GPR107: variants seen among roughly 807,000 people sequenced by gnomAD.
GPR107 encodes the protein G protein-coupled receptor 107, also known as protein GPR107.
GPR107 carries 31 observed loss-of-function variants against 75.5 expected under a neutral mutation model. The ratio of observed to expected loss-of-function variants is 0.41; its 90% confidence interval spans 0.31 to 0.55. The LOEUF (loss-of-function observed/expected upper bound fraction) is 0.55. GPR107 is among the 20% of genes least tolerant of loss of function. The pLI is 0.26. For synonymous variants in GPR107, 267 were observed against 251.3 expected, an observed-to-expected ratio of 1.06 and a Z score of -0.59; for missense variants, 572 against 665.7, an observed-to-expected ratio of 0.86 and a Z score of 1.55.
chr9:130,064,072 C>T (rs1830000823), intron 1 of GPR107, among the ~76,000 whole-genome samples: 1 of 150,888 alleles, frequency 6.6e-6, no homozygotes, highest in African/African-American at 2.4e-5. Flanking sequence ...CTTGGCCTCA[C>T]AAAGTGCTGG....
chr9:130,054,228 A>G (rs1829670444), intron 1 of GPR107, among the ~76,000 whole-genome samples, 155 bp downstream of exon 1: 1 of 152,134 alleles, frequency 6.6e-6, no homozygotes, highest in Non-Finnish European at 1.5e-5. Flanking sequence ...TCTGTGGGGA[A>G]GGCGGGTCTG....
chr9:130,124,919 T>C lies in GPR107; in HGVS notation c.1311T>C (p.Ala437=). The C allele has an allele frequency of 6.5e-7, 1 of 1,550,160 alleles. No individual in the cohort carries two copies. The highest frequency in any genetic ancestry group is 1.2e-5 in the South Asian group (1 of 84,094). ...QEASATDGKA[A]INLAKLKLFR... The stretch of plus-strand genomic sequence containing the variant: ...TTTGTTCTTTCTTCTCTCTAGCTGC[T>C]ATTAACTTAGCAAAGCTGAAACTTT... The change falls in exon 15 of 18, where the codon GCT becomes GCC. Residue 437 remains alanine (A), a synonymous_variant. Transcript: ENST00000347136.
rs1377033121 is a variant in GPR107 at position 130,135,595 on chromosome 9, G to A, written c.*474G>A. 6.5e-6 allele frequency: 1 copy of A among 152,868 alleles called. No individual in the cohort carries two copies. Among genetic ancestry groups the A allele is most frequent in the Non-Finnish European group, 1.5e-5 (1 of 68,844 alleles). 9.5% of individuals were successfully genotyped at this position (152,868 alleles called of 1,614,324 possible). A position where few individuals can be genotyped will look rare whatever the true frequency, so the allele number is the denominator to read the frequency against. On this transcript the variant is annotated 3_prime_UTR_variant, in exon 18 of 18. Transcript: ENST00000347136. ...AAGGGCGGGGAGAGTGCCATTGCCT[G>A]TTTGGGAGACAAAAATGAACGAAAA... is the stretch of plus-strand genomic sequence containing the variant.
At chr9:130,093,480 T>C (rs1434574467) in intron 9 of GPR107, among the ~76,000 whole-genome samples, 1 of 152,166 alleles carries the variant, frequency 6.6e-6, no homozygotes, top group East Asian at 1.9e-4. Context: ...GGGGTGGAAA[T>C]TGAGACTTTT....
intron 14 of GPR107, among the ~76,000 whole-genome samples, chr9:130,118,346 G>A (rs185779301): frequency 6.6e-6 from 1 of 152,264 alleles, no homozygotes; most frequent in African/African-American, 2.4e-5. Context: ...TCTCCTTGCT[G>A]GCCTTCTTAG....
At chr9:130,066,060 A>G (rs551714489) in intron 1 of GPR107, among the ~76,000 whole-genome samples, 37 of 152,072 alleles carry the variant, frequency 2.4e-4, no homozygotes, top group Non-Finnish European at 2.2e-4. Flanking sequence ...TAATCTCAGC[A>G]TTTTGGGAGA....
At position 130,138,376 on chromosome 9, in the gene GPR107, G is replaced by A. The variant is rs144564453; in HGVS notation, c.*3255G>A. 2.4e-3 allele frequency: 370 copies of A among 152,110 alleles called. 4 individuals carry two copies. Among genetic ancestry groups the A allele is most frequent in the African/African-American group, 8.8e-3 (365 of 41,382 alleles). The allele number at this position is 152,110 out of a possible 1,614,324, so 9.4% of individuals were successfully genotyped here. A position where few individuals can be genotyped will look rare whatever the true frequency, so the allele number is the denominator to read the frequency against. On this transcript the variant is annotated 3_prime_UTR_variant, in exon 18 of 18. Coordinates refer to ENST00000347136, the MANE Select transcript of GPR107 (RefSeq NM_020960.5). ...TTTCCTCCTGCGTGATGACCTCATC[G>A]CCATCTCTGCTGTCTCATTCCACAG...
At position 130,084,183 on chromosome 9, in the gene GPR107, A is replaced by G. The variant is rs150495623; in HGVS notation, c.564+581A>G. On this transcript the variant is annotated intron_variant, in intron 6 of 17. Coordinates refer to ENST00000347136, the MANE Select transcript of GPR107 (RefSeq NM_020960.5). ...GAGGTTGAGGTTGGGGGATCACTTG[A>G]GATCAGGAGTTCGAGACCAGCCTGG... is the stretch of plus-strand genomic sequence containing the variant. Among the ~76,000 whole-genome samples the G allele has an allele frequency of 2.8e-4, 42 of 151,394 alleles. 1 individual carries two copies. Among genetic ancestry groups the G allele is most frequent in the Middle Eastern group, 6.8e-3 (2 of 292 alleles).
chr9:130,099,314 C>CAAAAA, intron 9 of GPR107, 143 bp from the exon 10 acceptor site: 1 of 496,620 alleles, frequency 2.0e-6, no homozygotes, highest in Non-Finnish European at 3.6e-6. Context: ...GACCCTGTCT[C>CAAAAA]AAAAAAAAAA....
chr9:130,097,214 G>T (rs1027513835), intron 9 of GPR107, among the ~76,000 whole-genome samples: 6 of 146,558 alleles, frequency 4.1e-5, no homozygotes, highest in Non-Finnish European at 1.5e-5. Context: ...GAGTGCAGTG[G>T]CACCATCTTG....
At chr9:130,091,526 CTTTTT>C (rs375016486) in intron 8 of GPR107, among the ~76,000 whole-genome samples, 1 of 123,196 alleles carries the variant, frequency 8.1e-6, no homozygotes, top group Non-Finnish European at 1.7e-5. Context: ...CTGGTACTCA[CTTTTT>C]TTTTTTTTTT....
chr9:130,093,227 C>A (rs1193550103), intron 9 of GPR107, among the ~76,000 whole-genome samples: 1 of 152,226 alleles, frequency 6.6e-6, no homozygotes, highest in East Asian at 1.9e-4. Flanking sequence ...TCTGAAACCC[C>A]CGAGGCTTTA....
chr9:130,054,854 A>G (rs1408263019), intron 1 of GPR107, among the ~76,000 whole-genome samples: 1 of 152,126 alleles, frequency 6.6e-6, no homozygotes, highest in East Asian at 1.9e-4. Context: ...ATGCAGGAGG[A>G]TTGTTTGAGC....
intron 13 of GPR107, 24 bp downstream of exon 13, chr9:130,104,574 G>A (rs1360041416): frequency 6.2e-7 from 1 of 1,604,960 alleles, no homozygotes; most frequent in South Asian, 1.1e-5. Context: ...AGGGAGGGAG[G>A]CCACATGACA....
chr9:130,118,861 G>A (rs1217786470), intron 14 of GPR107, among the ~76,000 whole-genome samples: 3 of 152,218 alleles, frequency 2.0e-5, no homozygotes, highest in East Asian at 1.9e-4. Context: ...GGAGACAGAG[G>A]CAGCAGGCCA....
At chr9:130,099,868 CTTTTTTTTTTTTTTTTTTTT>C (rs71387314) in intron 10 of GPR107, among the ~76,000 whole-genome samples, 60 of 89,998 alleles carry the variant, frequency 6.7e-4, no homozygotes, top group African/African-American at 2.5e-3. Context: ...GTTTCCACGA[CTTTTTTTTTTTTTTTTTTTT>C]TTTTTTTTTT....
intron 1 of GPR107, among the ~76,000 whole-genome samples, chr9:130,074,509 A>C (rs1219088065): frequency 1.3e-5 from 2 of 152,184 alleles, no homozygotes; most frequent in African/African-American, 4.8e-5. Context: ...GTGTTCACTG[A>C]CACCATTGCT....
chr9:130,096,488 AGACCTC>A, intron 9 of GPR107, among the ~76,000 whole-genome samples: 1 of 31,848 alleles, frequency 3.1e-5, no homozygotes, highest in African/African-American at 1.3e-4. Flanking sequence ...TTTTTTTTTG[AGACCTC>A]GTCTCACTCT....
intron 9 of GPR107, among the ~76,000 whole-genome samples, chr9:130,093,798 T>C (rs1017195320): frequency 7.3e-5 from 11 of 151,636 alleles, no homozygotes; most frequent in Non-Finnish European, 1.3e-4. Flanking sequence ...TTGGGCAACA[T>C]AGCAAGACCC....
Sources: allele counts gnomAD v4.1 joint callset (sites outside exome capture counted in the v4.1 genomes callset), GRCh38; gene constraint gnomAD v4.1.1; transcripts MANE v1.5; gene names NCBI Gene and HGNC (gene_info 2026-07-23, HGNC 2026-07-21).